EBF2: variants seen among roughly 807,000 people sequenced by gnomAD.
EBF2 encodes transcription factor COE2.
In EBF2, 21 loss-of-function variants were observed where a neutral mutation model predicts 72.8. The observed-to-expected ratio is 0.29, with a 90% CI of 0.20 to 0.42. The LOEUF is 0.42. Among genes scored for constraint, EBF2 ranks in the 10% least tolerant of loss-of-function variants. EBF2 has a pLI of 1.00. For synonymous variants in EBF2, 299 were observed against 274.2 expected (o/e 1.09, Z -0.89); for missense variants, 637 against 731.2 (o/e 0.87, Z 1.49).
At chr8:25,907,117 C>T (rs1023755710) in intron 7 of EBF2, among the ~76,000 whole-genome samples, 10 of 151,804 alleles carry the variant, frequency 6.6e-5, no homozygotes, top group Non-Finnish European at 1.3e-4. Context: ...TGTCACATTC[C>T]TTGTTCAAAA....
Position 25,954,531 on chromosome 8 carries a change from A to G in EBF2, c.552-45976T>C, listed in dbSNP as rs577410196. ...TCACAAATGCCTCAAGCTCTGAGGCACTAAGAAAAACAAAATTCACATATT... is the reference window on the plus strand; with the variant it reads ...TCACAAATGCCTCAAGCTCTGAGGCGCTAAGAAAAACAAAATTCACATATT... On this transcript the variant is annotated intron_variant, in intron 6 of 15. Transcript: ENST00000520164. Among the ~76,000 whole-genome samples the G allele has an allele frequency of 3.6e-4, 55 of 152,368 alleles. 2 individuals carry two copies. In the South Asian group the frequency reaches 0.011, roughly 32 times the overall value.
intron 7 of EBF2, among the ~76,000 whole-genome samples, chr8:25,893,446 C>T (rs899836354): frequency 6.6e-6 from 1 of 151,892 alleles, no homozygotes; most frequent in Non-Finnish European, 1.5e-5. Context: ...GCCACCACAC[C>T]CAGCTAATTT....
intron 6 of EBF2, among the ~76,000 whole-genome samples, chr8:25,913,267 C>A (rs1170546563): frequency 6.6e-6 from 1 of 151,902 alleles, no homozygotes; most frequent in Non-Finnish European, 1.5e-5. Context: ...GTGGTGAAGC[C>A]CCATCTCTAC....
intron 10 of EBF2, among the ~76,000 whole-genome samples, chr8:25,884,889 G>A (rs1802664698): frequency 6.6e-6 from 1 of 152,084 alleles, no homozygotes; most frequent in Non-Finnish European, 1.5e-5. Context: ...GCCAGACATT[G>A]ACACTTTAAC....
intron 5 of EBF2, among the ~76,000 whole-genome samples, chr8:26,035,311 A>AT (rs771760729): frequency 1.3e-5 from 2 of 151,992 alleles, no homozygotes; most frequent in African/African-American, 2.4e-5. Context: ...CACTTGGCTA[A>AT]TTTTTTATTT....
intron 7 of EBF2, among the ~76,000 whole-genome samples, chr8:25,895,945 G>A (rs953718054): frequency 6.8e-6 from 1 of 146,526 alleles, no homozygotes; most frequent in African/African-American, 2.7e-5. Flanking sequence ...GTGTGTGTGT[G>A]TGTGTGTGTT....
chr8:26,040,829 G>A, intron 3 of EBF2, 110 bp downstream of exon 3: 2 of 1,531,258 alleles, frequency 1.3e-6, no homozygotes, highest in East Asian at 2.3e-5. Flanking sequence ...CAAGCCTCCC[G>A]CCGCCCTGGG....
chr8:25,938,938 G>A (rs1345675947), intron 6 of EBF2, among the ~76,000 whole-genome samples: 1 of 152,096 alleles, frequency 6.6e-6, no homozygotes, highest in Non-Finnish European at 1.5e-5. Flanking sequence ...GTCAAGGACT[G>A]TTGCTCTTCT....
intron 6 of EBF2, among the ~76,000 whole-genome samples, chr8:25,938,623 A>C (rs1803619161): frequency 6.6e-6 from 1 of 152,146 alleles, no homozygotes; most frequent in Admixed American, 6.6e-5. Flanking sequence ...ATGCTTTCAT[A>C]AGGATGGAAG....
At position 26,045,207 on chromosome 8, in the gene EBF2, T is replaced by C. The variant is rs900676615; in HGVS notation, c.-348A>G. On this transcript the variant is annotated 5_prime_UTR_variant, in exon 1 of 16. Transcript: ENST00000520164. ...TGTTCTGGGAGAAACTGGAGGAAAT[T>C]GATGGCTGCCTAATCTCTCCCCTTC... 5.9e-6 allele frequency: 1 copy of C among 170,568 alleles called. No homozygotes were observed. The highest frequency in any genetic ancestry group is 1.2e-5 in the Non-Finnish European group (1 of 80,368). 10.6% of individuals were successfully genotyped at this position (170,568 alleles called of 1,614,324 possible). A position where few individuals can be genotyped will look rare whatever the true frequency, so the allele number is the denominator to read the frequency against.
Position 25,955,531 on chromosome 8 carries a change from A to G in EBF2, c.552-46976T>C, listed in dbSNP as rs186793272. ...TGTATATACTCCTGTGTCCAGGCACATAAAAAAAATGAAAACGGATTTTTC... is the reference window on the plus strand; with the variant it reads ...TGTATATACTCCTGTGTCCAGGCACGTAAAAAAAATGAAAACGGATTTTTC... On this transcript the variant is annotated intron_variant, in intron 6 of 15. Coordinates refer to ENST00000520164, the MANE Select transcript of EBF2 (RefSeq NM_022659.4). 1.9e-3 allele frequency among the ~76,000 whole-genome samples: 290 copies of G among 152,372 alleles called. 4 individuals carry two copies. The highest frequency in any genetic ancestry group is 8.4e-4 in the Non-Finnish European group (57 of 68,030).
chr8:25,999,319 T>C (rs1282607187), intron 6 of EBF2, among the ~76,000 whole-genome samples: 2 of 152,166 alleles, frequency 1.3e-5, no homozygotes, highest in East Asian at 3.8e-4. Context: ...TCTGTGGATT[T>C]GGGGGCCAAT....
intron 6 of EBF2, among the ~76,000 whole-genome samples, chr8:25,941,026 A>C (rs1803660933): frequency 6.6e-6 from 1 of 152,154 alleles, no homozygotes; most frequent in Non-Finnish European, 1.5e-5. Context: ...TAACAATTAT[A>C]AGGATCCTTT....
chr8:26,045,228 C>T lies in EBF2; in HGVS notation c.-369G>A, dbSNP rs922333412. On this transcript the variant is annotated 5_prime_UTR_variant, in exon 1 of 16. Coordinates refer to ENST00000520164, the MANE Select transcript of EBF2 (RefSeq NM_022659.4). ...AAATTGATGGCTGCCTAATCTCTCC[C>T]CTTCCTCCAGGTCCCCCCTCCCTGC... 5.0e-5 allele frequency: 8 copies of T among 160,614 alleles called. No individual in the cohort carries two copies. Among genetic ancestry groups the T allele is most frequent in the East Asian group, 1.8e-4 (1 of 5,658 alleles). 9.9% of individuals were successfully genotyped at this position (160,614 alleles called of 1,614,324 possible).
chr8:25,974,152 G>T (rs1804231738), intron 6 of EBF2, among the ~76,000 whole-genome samples: 1 of 152,188 alleles, frequency 6.6e-6, no homozygotes. Context: ...AGATCATGTT[G>T]TCTGACTCTG....
At chr8:25,926,539 T>C (rs1281206604) in intron 6 of EBF2, among the ~76,000 whole-genome samples, 1 of 152,204 alleles carries the variant, frequency 6.6e-6, no homozygotes, top group African/African-American at 2.4e-5. Context: ...TTTGTCTGTA[T>C]GCATCACCTT....
At position 25,843,517 on chromosome 8, in the gene EBF2, G is replaced by A. The variant is rs1801772886; in HGVS notation, c.*1092C>T. ...TCTGGTGAGGAGGAATTCCCAAGGG[G>A]TCCCTTGGTTAAGAAAGTCTGTGGT... On this transcript the variant is annotated 3_prime_UTR_variant, in exon 16 of 16. Coordinates refer to ENST00000520164, the MANE Select transcript of EBF2 (RefSeq NM_022659.4). 6.6e-6 allele frequency: 1 copy of A among 152,240 alleles called. No homozygotes were observed. Among genetic ancestry groups the A allele is most frequent in the Non-Finnish European group, 1.5e-5 (1 of 68,118 alleles). The allele number at this position is 152,240 out of a possible 1,614,324, so 9.4% of individuals were successfully genotyped here.
chr8:25,984,329 C>G (rs1031994498), intron 6 of EBF2, among the ~76,000 whole-genome samples: 1 of 152,038 alleles, frequency 6.6e-6, no homozygotes, highest in Non-Finnish European at 1.5e-5. Context: ...TGTAAATATA[C>G]CCCCAAAACC....
At chr8:25,916,125 C>T (rs1585194339) in intron 6 of EBF2, among the ~76,000 whole-genome samples, 1 of 151,568 alleles carries the variant, frequency 6.6e-6, no homozygotes, top group African/African-American at 2.4e-5. Flanking sequence ...GTCTCTACTA[C>T]ATATACAAAA....
Sources: gnomAD v4.1 joint callset for allele counts (sites outside exome capture counted in the v4.1 genomes callset) on GRCh38, gnomAD v4.1.1 for gene constraint, MANE v1.5 for transcripts, NCBI Gene and HGNC (gene_info 2026-07-23, HGNC 2026-07-21) for gene names.